AGAP1: variants seen among roughly 807,000 people sequenced by gnomAD.
The protein encoded by AGAP1 is arf-GAP with GTPase, ANK repeat and PH domain-containing protein 1.
In AGAP1, 29 loss-of-function variants were observed where a neutral mutation model predicts 105.3. That is an observed-to-expected ratio of 0.28 (90% CI 0.21 to 0.38). AGAP1 has a LOEUF of 0.38. AGAP1 is among the 10% of genes least tolerant of loss of function. The pLI is 1.00. For missense variants in AGAP1, 998 were observed against 1,165.1 expected, an observed-to-expected ratio of 0.86 and a Z score of 2.09; for synonymous variants, 509 against 485.9, an observed-to-expected ratio of 1.05 and a Z score of -0.63.
intron 9 of AGAP1, among the ~76,000 whole-genome samples, chr2:235,816,845 C>A (rs1958486149): frequency 6.6e-6 from 1 of 151,508 alleles, no homozygotes; most frequent in Non-Finnish European, 1.5e-5. Context: ...GAGCCGAGAT[C>A]ATGCTACTGG....
intron 9 of AGAP1, among the ~76,000 whole-genome samples, chr2:235,869,420 TAAA>T (rs35813316): frequency 7.4e-4 from 37 of 49,958 alleles, no homozygotes; most frequent in East Asian, 4.6e-3. Context: ...CCATCTCTAC[TAAA>T]AAAAAAAAAA....
rs7567302 is a variant in AGAP1 at position 236,127,271 on chromosome 2, C to G, written c.*3149C>G. ...AGGTGCTGGGACGGGCAGATGGTTT[C>G]CCCCGCCCAGCACCCCAGTCCTGGT... is the stretch of plus-strand genomic sequence containing the variant. On this transcript the variant is annotated 3_prime_UTR_variant, in exon 18 of 18. Coordinates refer to ENST00000304032, the MANE Select transcript of AGAP1 (RefSeq NM_001037131.3). The surrounding 1 kb of genome is among the most constrained non-coding windows in gnomAD (Gnocchi z 6.6). The G allele has an allele frequency of 0.5, 76,742 of 151,990 alleles. 22,495 individuals are homozygous for G. The highest frequency in any genetic ancestry group is 0.82 in the African/African-American group (33,929 of 41,474). 9.4% of individuals were successfully genotyped at this position (151,990 alleles called of 1,614,324 possible).
At position 235,724,321 on chromosome 2, in the gene AGAP1, C is replaced by G. The variant is rs1219645100; in HGVS notation, c.310+6677C>G. Among the ~76,000 whole-genome samples, 1 of 152,246 alleles carries G rather than the reference C, an allele frequency of 6.6e-6. No individual in the cohort carries two copies. Among genetic ancestry groups the G allele is most frequent in the Non-Finnish European group, 1.5e-5 (1 of 68,046 alleles). On this transcript the variant is annotated intron_variant, in intron 3 of 17. Transcript: ENST00000304032. This position sits in a 1 kb window ranked among gnomAD's most constrained non-coding sequence, Gnocchi z 4.9. Reference sequence around the variant, plus strand: ...GCCTCCCTCCCAGAAGGGCGACCCTCCAGCCCCATGTCCAGGCTCTCCCAT... The same window carrying G: ...GCCTCCCTCCCAGAAGGGCGACCCTGCAGCCCCATGTCCAGGCTCTCCCAT...
chr2:235,710,650 G>A (rs891472918), intron 2 of AGAP1, among the ~76,000 whole-genome samples: 2 of 152,250 alleles, frequency 1.3e-5, no homozygotes, highest in African/African-American at 4.8e-5. Flanking sequence ...TCTTTTGTGT[G>A]CTTTGTCACC....
chr2:235,540,728 G>A (rs928919608), intron 1 of AGAP1, among the ~76,000 whole-genome samples: 1 of 152,174 alleles, frequency 6.6e-6, no homozygotes, highest in Non-Finnish European at 1.5e-5. Context: ...GGAGAAAGCA[G>A]GTGAAGATGG....
Position 236,076,094 on chromosome 2 carries a change from C to A in AGAP1, c.2114+26813C>A, listed in dbSNP as rs1193728489. Among the ~76,000 whole-genome samples the A allele has an allele frequency of 2.0e-5, 3 of 152,206 alleles. No individual in the cohort carries two copies. The highest frequency in any genetic ancestry group is 4.4e-5 in the Non-Finnish European group (3 of 68,036). On this transcript the variant is annotated intron_variant, in intron 16 of 17. Coordinates refer to ENST00000304032, the MANE Select transcript of AGAP1 (RefSeq NM_001037131.3). The surrounding 1 kb of genome is among the most constrained non-coding windows in gnomAD (Gnocchi z 4.4). ...ATAACAGTCCTCCTTCAGAGACACC[C>A]CTCAATCAGATCTAGGAATTGAAAG...
At chr2:235,924,996 G>T (rs2052375285) in intron 11 of AGAP1, among the ~76,000 whole-genome samples, 1 of 152,208 alleles carries the variant, frequency 6.6e-6, no homozygotes, top group South Asian at 2.1e-4. Context: ...CAGCAACAGT[G>T]GGGTGGGATG....
rs1574816336 is a variant in AGAP1, at chr2:235,544,736, C to T, written c.163+49887C>T. Among the ~76,000 whole-genome samples the T allele has an allele frequency of 3.3e-5, 5 of 152,280 alleles. No homozygotes were observed. In the South Asian group the frequency reaches 1.0e-3, roughly 32 times the overall value. ...CTCACAGGAAGCCCTTCGCCTGAGG[C>T]TCTCCCACACTGCAACTGTCAAACT... On this transcript the variant is annotated intron_variant, in intron 1 of 17. Transcript: ENST00000304032.
rs1033473890 is a variant in AGAP1, at chr2:235,799,074, AAAT to A, written c.802-289_802-287del. ...CCCTTTCATTTTCAGAGGAAAGAGA[AAAT>A]AATCAAATTTGAACTCTCAGAAATC... is the stretch of plus-strand genomic sequence containing the variant. On this transcript the variant is annotated intron_variant, in intron 7 of 17. Coordinates refer to ENST00000304032, the MANE Select transcript of AGAP1 (RefSeq NM_001037131.3). This position sits in a 1 kb window ranked among gnomAD's most constrained non-coding sequence, Gnocchi z 5.0. Among the ~76,000 whole-genome samples the A allele has an allele frequency of 6.6e-6, 1 of 152,134 alleles. No homozygotes were observed. The highest frequency in any genetic ancestry group is 1.5e-5 in the Non-Finnish European group (1 of 68,028).
rs1415460134 is a variant in AGAP1 at position 235,957,998 on chromosome 2, G to A, written c.1484-10464G>A. On this transcript the variant is annotated intron_variant, in intron 12 of 17. Transcript: ENST00000304032. This position sits in a 1 kb window ranked among gnomAD's most constrained non-coding sequence, Gnocchi z 4.6. ...TAAGGTGTGGGTGGAAGTCAGCAGGGGCAGGGGGCCGATACATACGTGCTT... is the reference window on the plus strand; with the variant it reads ...TAAGGTGTGGGTGGAAGTCAGCAGGAGCAGGGGGCCGATACATACGTGCTT... 6.6e-6 allele frequency among the ~76,000 whole-genome samples: 1 copy of A among 152,174 alleles called. No individual in the cohort carries two copies. The highest frequency in any genetic ancestry group is 1.5e-5 in the Non-Finnish European group (1 of 68,030).
intron 6 of AGAP1, among the ~76,000 whole-genome samples, chr2:235,760,682 C>T (rs934272905): frequency 2.6e-5 from 4 of 152,180 alleles, no homozygotes; most frequent in African/African-American, 9.7e-5. Flanking sequence ...GACTCTTGGG[C>T]TCAAGCCATC....
At chr2:235,819,273 C>T (rs1328033082) in intron 9 of AGAP1, among the ~76,000 whole-genome samples, 1 of 151,990 alleles carries the variant, frequency 6.6e-6, no homozygotes, top group African/African-American at 2.4e-5. Context: ...ACCACGATAC[C>T]TGGCTAATTT....
intron 16 of AGAP1, among the ~76,000 whole-genome samples, chr2:236,098,635 T>TTTTTTTTTTTTTTTTTTTTTTTC (rs2059255890): frequency 6.7e-6 from 1 of 148,632 alleles, no homozygotes; most frequent in Non-Finnish European, 1.5e-5. Context: ...TTTTTTTTTT[T>TTTTTTTTTTTTTTTTTTTTTTTC]TTTTAGAGAA....
rs921508337 is a variant in AGAP1 at position 236,038,117 on chromosome 2, G to A, written c.1800+1402G>A. Among the ~76,000 whole-genome samples, 19 of 152,166 alleles carry A rather than the reference G, an allele frequency of 1.2e-4. No homozygotes were observed. Among genetic ancestry groups the A allele is most frequent in the Admixed American group, 1.2e-3 (19 of 15,278 alleles). On this transcript the variant is annotated intron_variant, in intron 14 of 17. Transcript: ENST00000304032. The surrounding 1 kb of genome is among the most constrained non-coding windows in gnomAD (Gnocchi z 4.5). ...AGATGTTTTATACTCAAGGTGGGGA[G>A]AACCACTGCCTTTCATTCCATACAC...
At chr2:235,886,112 C>T (rs986108198) in intron 10 of AGAP1, among the ~76,000 whole-genome samples, 1 of 152,200 alleles carries the variant, frequency 6.6e-6, no homozygotes, top group African/African-American at 2.4e-5. Flanking sequence ...CAGGTCTTCC[C>T]TGGATTCTCT....
In AGAP1 at chr2:235,807,278, C is replaced by A; in HGVS notation, c.997C>A (p.Leu333Met). The change falls in exon 9 of 18, where the codon CTG (leucine) becomes ATG (methionine). Residue 333 changes from leucine (L) to methionine (M), a missense_variant. Physicochemically the swap from Leu to Met is conservative, Grantham distance 15. Transcript: ENST00000304032. ...GSDPDKEKKG[L>M]ESRADSIGSG... ...CGACCCAGACAAAGAGAAGAAAGGCCTGGAGAGTCGTGCGGACAGCATTGG... is the reference window on the plus strand; with the variant it reads ...CGACCCAGACAAAGAGAAGAAAGGCATGGAGAGTCGTGCGGACAGCATTGG... 6.2e-7 allele frequency: 1 copy of A among 1,606,966 alleles called. No individual in the cohort carries two copies. Among genetic ancestry groups the A allele is most frequent in the African/African-American group, 1.3e-5 (1 of 74,204 alleles).
chr2:235,563,598 T>TGG (rs1944241236), intron 1 of AGAP1, among the ~76,000 whole-genome samples: 1 of 86,494 alleles, frequency 1.2e-5, no homozygotes. Flanking sequence ...GGGCGGGGGG[T>TGG]GGGGGGACTT....
At chr2:235,948,638 G>A (rs1460935290) in intron 12 of AGAP1, among the ~76,000 whole-genome samples, 1 of 152,202 alleles carries the variant, frequency 6.6e-6, no homozygotes, top group Non-Finnish European at 1.5e-5. Context: ...CAGTGAGTCT[G>A]TCTTTGTAGC....
chr2:235,616,498 A>C (rs145109732), intron 1 of AGAP1, among the ~76,000 whole-genome samples: 2 of 152,234 alleles, frequency 1.3e-5, no homozygotes, highest in Non-Finnish European at 2.9e-5. Context: ...TGAGATAGCC[A>C]TCTGGAGAGA....
Sources: gnomAD v4.1 joint callset for allele counts (sites outside exome capture counted in the v4.1 genomes callset) on GRCh38, gnomAD v4.1.1 for gene constraint, Gnocchi (gnomAD v3.1) non-coding constraint, MANE v1.5 for transcripts, NCBI Gene and HGNC (gene_info 2026-07-23, HGNC 2026-07-21) for gene names.